TAF6: variants seen among roughly 807,000 people sequenced by gnomAD.
TAF6 encodes transcription initiation factor TFIID subunit 6.
A neutral mutation model predicts 73.5 loss-of-function variants in TAF6; 50 were observed. The observed-to-expected ratio is 0.68, with a 90% CI of 0.54 to 0.86. TAF6 has a LOEUF of 0.86. Among genes scored for constraint, TAF6 ranks in the 40% least tolerant of loss-of-function variants. TAF6 has a pLI of 0.00. For synonymous variants in TAF6, 424 were observed against 376.7 expected (o/e 1.13, Z -1.45); for missense variants, 768 against 899.5 (o/e 0.85, Z 1.87).
chr7:100,112,755 CT>C (rs1797310700), intron 6 of TAF6, 42 bp downstream of exon 6: 1 of 1,548,870 alleles, frequency 6.5e-7, no homozygotes, highest in East Asian at 2.3e-5. Context: ...GGCCATGTGG[CT>C]TTGGGCAAGA....
upstream of TAF6, among the ~76,000 whole-genome samples, chr7:100,121,773 G>C (rs555138937): frequency 1.5e-3 from 233 of 151,548 alleles, no homozygotes; most frequent in Middle Eastern, 6.9e-3. Flanking sequence ...GAAACCGGCC[G>C]GGCGTGGTGG....
chr7:100,124,069 G>A (rs1414082034), upstream of TAF6, among the ~76,000 whole-genome samples: 4 of 151,704 alleles, frequency 2.6e-5, no homozygotes, highest in South Asian at 2.1e-4. Flanking sequence ...CCCGGGAGGC[G>A]GAGGTTGCAG....
At chr7:100,110,356 C>T in intron 10 of TAF6, 82 bp from the exon 11 acceptor site, 1 of 1,469,280 alleles carries the variant, frequency 6.8e-7, no homozygotes, top group African/African-American at 1.4e-5. Flanking sequence ...TAGACACTTT[C>T]CTTGTAAATC....
At chr7:100,121,116 A>ATATATTT (rs1584585316), upstream of TAF6, 25 of 52,776 alleles carry the variant, frequency 4.7e-4, no homozygotes, top group Admixed American at 1.1e-3. Flanking sequence ...ATATATATAT[A>ATATATTT]TTTTTTTTTT....
In TAF6 at chr7:100,111,845, G is replaced by C. The variant is rs1369686815; in HGVS notation, c.799-16C>G. On this transcript the variant is annotated splice_polypyrimidine_tract_variant and intron_variant, in intron 8 of 14. Coordinates refer to ENST00000453269, the MANE Select transcript of TAF6 (RefSeq NM_139315.3). ...TCACACGGACCTGTGGGAGGGAGAA[G>C]TGCTGGGCATGGGGCAGGGAGACCC... 6.2e-7 allele frequency: 1 copy of C among 1,614,212 alleles called. No individual in the cohort carries two copies. Among genetic ancestry groups the C allele is most frequent in the Non-Finnish European group, 8.5e-7 (1 of 1,180,002 alleles).
At chr7:100,120,932 G>A (rs1415317775), upstream of TAF6, among the ~76,000 whole-genome samples, 1 of 151,690 alleles carries the variant, frequency 6.6e-6, no homozygotes. Flanking sequence ...TGTCTATATT[G>A]TTAGTATGCA....
In TAF6 at chr7:100,113,417, G is replaced by A. The variant is rs4134903; in HGVS notation, c.398-12C>T. ...GCTCAGCCAATGAGCTGCAAGGAAG[G>A]CAGGTGTCAAGGTGAATTGCCACGC... On this transcript the variant is annotated splice_polypyrimidine_tract_variant and intron_variant, in intron 4 of 14. Transcript: ENST00000453269. 0.28 allele frequency: 435,411 copies of A among 1,573,280 alleles called. 61,804 individuals carry two copies. Among genetic ancestry groups the A allele is most frequent in the East Asian group, 0.38 (16,909 of 44,240 alleles).
At chr7:100,115,635 C>G (rs1265017221) in intron 1 of TAF6, 1 of 150,286 alleles carries the variant, frequency 6.7e-6, no homozygotes, top group Non-Finnish European at 1.5e-5. Context: ...GCACTCCAGC[C>G]TCAGTGACAG....
the TAF6 span, among the ~76,000 whole-genome samples, chr7:100,126,073 C>T: frequency 6.6e-6 from 1 of 152,192 alleles, no homozygotes; most frequent in East Asian, 1.9e-4. Flanking sequence ...GCAGTCCCAG[C>T]TACTCGGGAG....
chr7:100,110,349 A>T, intron 10 of TAF6, 75 bp from the exon 11 acceptor site: 3 of 1,497,902 alleles, frequency 2.0e-6, no homozygotes, highest in Non-Finnish European at 1.9e-6. Flanking sequence ...TCTTTCATAG[A>T]CACTTTCCTT....
intron 1 of TAF6, among the ~76,000 whole-genome samples, chr7:100,116,350 C>T (rs959087546): frequency 1.3e-4 from 20 of 152,002 alleles, no homozygotes; most frequent in Non-Finnish European, 2.6e-4. Flanking sequence ...AGCAAAACCC[C>T]ATCTCAGGCC....
chr7:100,110,151 A>G (rs1284408177), intron 11 of TAF6, 49 bp downstream of exon 11: 1 of 1,613,924 alleles, frequency 6.2e-7, no homozygotes, highest in South Asian at 1.1e-5. Flanking sequence ...GCCCTCTATA[A>G]CCTCATGACT....
chr7:100,111,029 C>T (rs1204195839), intron 10 of TAF6, 110 bp downstream of exon 10: 15 of 1,313,532 alleles, frequency 1.1e-5, no homozygotes, highest in African/African-American at 2.9e-5. Context: ...CCCTTAGACC[C>T]CCACAAGTTC....
At chr7:100,109,643 C>CAT (rs3837088) in intron 12 of TAF6, among the ~76,000 whole-genome samples, 119,851 of 150,552 alleles carry the variant, frequency 0.8, 47,796 homozygotes, top group Middle Eastern at 0.88. Context: ...ACCACAGACA[C>CAT]GTCACCACTC....
intron 10 of TAF6, 88 bp downstream of exon 10, chr7:100,111,051 C>T (rs984888111): frequency 2.7e-5 from 40 of 1,489,266 alleles, no homozygotes; most frequent in Non-Finnish European, 3.7e-5. Context: ...AGTCCCTCTT[C>T]CCTCTGCCCC....
At chr7:100,116,132 C>CA (rs1797652796) in intron 1 of TAF6, among the ~76,000 whole-genome samples, 1 of 152,152 alleles carries the variant, frequency 6.6e-6, no homozygotes, top group African/African-American at 2.4e-5. Context: ...ACGTTGCAGC[C>CA]AAAATGCTTC....
At chr7:100,126,313 G>A in the TAF6 span, among the ~76,000 whole-genome samples, 3 of 152,182 alleles carry the variant, frequency 2.0e-5, no homozygotes, top group Admixed American at 2.0e-4. Flanking sequence ...CTGCACTCTA[G>A]CCTGGGCGAC....
In TAF6 at chr7:100,107,949, A is replaced by G; in HGVS notation, c.1633T>C (p.Ser545Pro). ...ACCTGCTGGGTGGATGGGGCGCTGG[A>G]GGACGATGACATTACAATAAACTTG... Reference protein sequence around the residue: ...PTKFIVMSSSSSAPSTQQVLS... With the variant: ...PTKFIVMSSSPSAPSTQQVLS... The change falls in exon 14 of 15, where the codon TCC becomes CCC. Residue 545 changes from serine (S) to proline (P), a missense_variant. Ser to Pro is a moderately conservative substitution (Grantham distance 74, BLOSUM62 -1). Coordinates refer to ENST00000453269, the MANE Select transcript of TAF6 (RefSeq NM_139315.3). 1 of 1,612,790 alleles carries G rather than the reference A, an allele frequency of 6.2e-7. No individual in the cohort carries two copies.
In TAF6 at chr7:100,111,272, A is replaced by G; in HGVS notation, c.950T>C (p.Leu317Ser). ...AVMTCIVSRQ[L>S]CLRPDVDNHW... The stretch of plus-strand genomic sequence containing the variant: ...ATTGTCCACATCTGGTCGCAGGCAC[A>G]ACTGTCTGCTCACGATGCAGGTCAT... Residue 317 changes from leucine to serine, a missense_variant, in exon 10 of 15, where the codon TTG (leucine) becomes TCG (serine). Leu to Ser is a moderately radical substitution (Grantham distance 145). Transcript: ENST00000453269. The G allele has an allele frequency of 6.2e-7, 1 of 1,614,246 alleles. No homozygotes were observed. The highest frequency in any genetic ancestry group is 8.5e-7 in the Non-Finnish European group (1 of 1,180,038).
Sources: gnomAD v4.1 joint callset for allele counts (sites outside exome capture counted in the v4.1 genomes callset) on GRCh38, gnomAD v4.1.1 for gene constraint, MANE v1.5 for transcripts, NCBI Gene and HGNC (gene_info 2026-07-23, HGNC 2026-07-21) for gene names.